The following CCDC171 variants were observed in gnomAD, a reference collection of about 807,000 sequenced individuals.
CCDC171 encodes coiled-coil domain containing 171.
CCDC171 carries 177 observed loss-of-function variants against 168.2 expected under a neutral mutation model. The observed-to-expected ratio is 1.05, with a 90% confidence interval of 0.93 to 1.19. CCDC171 has a LOEUF of 1.19. Among genes scored for constraint, CCDC171 ranks in the 50% most tolerant of loss-of-function variants. The pLI is 0.00. For missense variants in CCDC171, 1,991 were observed against 1,539.0 expected (o/e 1.29, Z -4.91); for synonymous variants, 687 against 540.8 (o/e 1.27, Z -3.75).
intron 24 of CCDC171, among the ~76,000 whole-genome samples, chr9:15,909,384 A>G (rs886203026): frequency 3.9e-5 from 5 of 128,836 alleles, no homozygotes; most frequent in African/African-American, 1.4e-4. Context: ...GCTTTTATGC[A>G]TTCATGTACA....
At chr9:15,822,866 C>T (rs542991186) in intron 21 of CCDC171, among the ~76,000 whole-genome samples, 87 of 152,238 alleles carry the variant, frequency 5.7e-4, no homozygotes, top group Non-Finnish European at 9.9e-4. Context: ...AATCATGCTG[C>T]TGTAAAGACA....
chr9:15,883,391 T>G (rs1328640738), intron 24 of CCDC171, among the ~76,000 whole-genome samples: 1 of 152,032 alleles, frequency 6.6e-6, no homozygotes, highest in East Asian at 1.9e-4. Flanking sequence ...TGTAATAAGG[T>G]ATTTTCTGTA....
intron 1 of CCDC171, among the ~76,000 whole-genome samples, chr9:16,054,962 C>CA (rs1458244507): frequency 1.3e-5 from 2 of 152,164 alleles, no homozygotes; most frequent in Non-Finnish European, 2.9e-5. Context: ...GACGAAGCCC[C>CA]TCGGGGCAAG....
intron 11 of CCDC171, among the ~76,000 whole-genome samples, chr9:15,695,917 C>T (rs2051178983): frequency 6.6e-6 from 1 of 152,154 alleles, no homozygotes; most frequent in Non-Finnish European, 1.5e-5. Context: ...ATTAGGTAGA[C>T]ATATTTTGAG....
intron 10 of CCDC171, among the ~76,000 whole-genome samples, chr9:15,691,544 T>TATGTATATATATA (rs1554762170): frequency 1.1e-5 from 1 of 87,792 alleles, no homozygotes; most frequent in African/African-American, 5.4e-5. Context: ...AATATATGTT[T>TATGTATATATATA]TTTATATATA....
At chr9:15,620,084 A>G (rs2132013373) in intron 6 of CCDC171, among the ~76,000 whole-genome samples, 1 of 152,332 alleles carries the variant, frequency 6.6e-6, no homozygotes, top group Non-Finnish European at 1.5e-5. Flanking sequence ...GTTACTGAAG[A>G]GCGCTGATGG....
chr9:15,792,597 GA>G (rs771271065), intron 21 of CCDC171, among the ~76,000 whole-genome samples: 8 of 152,134 alleles, frequency 5.3e-5, no homozygotes, highest in Admixed American at 2.0e-4. Context: ...CCCACAAAGG[GA>G]AGCCCATCAG....
At chr9:15,604,659 A>T (rs2043092305) in intron 6 of CCDC171, among the ~76,000 whole-genome samples, 1 of 152,136 alleles carries the variant, frequency 6.6e-6, no homozygotes, top group Non-Finnish European at 1.5e-5. Context: ...GTAGGGAGGC[A>T]GTGAAGAAAG....
chr9:15,665,033 A>G (rs1279296251), intron 8 of CCDC171, among the ~76,000 whole-genome samples: 1 of 152,176 alleles, frequency 6.6e-6, no homozygotes, highest in African/African-American at 2.4e-5. Context: ...TGAACTTCCC[A>G]CATACCCATC....
chr9:15,604,127 C>T (rs1373767387), intron 6 of CCDC171, among the ~76,000 whole-genome samples: 30 of 141,848 alleles, frequency 2.1e-4, no homozygotes. Flanking sequence ...TGTTTAATTT[C>T]CTTGTAGATT....
chr9:15,876,060 A>G (rs1817799502), intron 24 of CCDC171: 1 of 152,076 alleles, frequency 6.6e-6, no homozygotes, highest in African/African-American at 2.4e-5. Context: ...GTCGTAATTT[A>G]CAAGTAAAGA....
At chr9:16,101,987 C>T in the CCDC171 span, among the ~76,000 whole-genome samples, 1 of 152,198 alleles carries the variant, frequency 6.6e-6, no homozygotes, top group African/African-American at 2.4e-5. Flanking sequence ...TATAAAAATA[C>T]ACGTTGTTTT....
At chr9:15,733,467 G>A (rs1228190831) in intron 16 of CCDC171, among the ~76,000 whole-genome samples, 5 of 147,314 alleles carry the variant, frequency 3.4e-5, no homozygotes, top group African/African-American at 1.0e-4. Flanking sequence ...GTGAGGTATC[G>A]ATTAAGGTCA....
chr9:15,802,706 T>A (rs2058884942), intron 21 of CCDC171, among the ~76,000 whole-genome samples: 1 of 152,160 alleles, frequency 6.6e-6, no homozygotes, highest in Non-Finnish European at 1.5e-5. Flanking sequence ...TAAATAGTGC[T>A]GCAATGAACA....
chr9:15,621,115 C>T (rs909036164), intron 6 of CCDC171, among the ~76,000 whole-genome samples: 4 of 151,958 alleles, frequency 2.6e-5, no homozygotes, highest in African/African-American at 9.7e-5. Context: ...TATAGATGTG[C>T]GCCACCACAT....
chr9:15,698,859 T>A (rs1261746894), intron 11 of CCDC171, among the ~76,000 whole-genome samples: 2 of 152,184 alleles, frequency 1.3e-5, no homozygotes, highest in Non-Finnish European at 2.9e-5. Flanking sequence ...TATACCACAT[T>A]TTCTTTATCC....
At chr9:16,066,550 C>T (rs1296955158), downstream of CCDC171, among the ~76,000 whole-genome samples, 5 of 149,634 alleles carry the variant, frequency 3.3e-5, no homozygotes, top group South Asian at 4.2e-4. Context: ...CATGCTGGTG[C>T]GCTGCACCCA....
intron 3 of CCDC171, among the ~76,000 whole-genome samples, chr9:16,009,098 A>T (rs1055059880): frequency 3.4e-4 from 51 of 152,032 alleles, no homozygotes; most frequent in Admixed American, 3.0e-3. Flanking sequence ...TGCTTACAGC[A>T]AGGATGCTTT....
chr9:15,932,288 A>G (rs188359767), intron 25 of CCDC171, among the ~76,000 whole-genome samples: 103 of 151,868 alleles, frequency 6.8e-4, no homozygotes, highest in African/African-American at 2.3e-3. Context: ...ACTTTATTTT[A>G]TTAAAATGTT....
Sources: allele counts gnomAD v4.1 joint callset (sites outside exome capture counted in the v4.1 genomes callset), GRCh38; gene constraint gnomAD v4.1.1; transcripts MANE v1.5; gene names NCBI Gene and HGNC (gene_info 2026-07-23, HGNC 2026-07-21).